The following DPP4 variants were observed in gnomAD, a reference collection of about 807,000 sequenced individuals.
The protein encoded by DPP4 is ADCP-2.
Under a neutral mutation model 122.4 loss-of-function variants are expected in DPP4, and 93 were observed. That is an observed-to-expected ratio of 0.76 (90% CI 0.64 to 0.90). DPP4 has a LOEUF of 0.90. Ranked by LOEUF, DPP4 falls within the 40% of genes least tolerant of loss-of-function variation. The probability of loss-of-function intolerance (pLI) is 0.00; values close to 1 mark genes in which losing one functional copy is unlikely to be tolerated. For missense variants in DPP4, 914 were observed against 907.3 expected (o/e 1.01, Z -0.09); for synonymous variants, 321 against 302.9 (o/e 1.06, Z -0.62).
chr2:162,071,796 C>A (rs555314637), intron 2 of DPP4, among the ~76,000 whole-genome samples: 5 of 152,298 alleles, frequency 3.3e-5, no homozygotes, highest in East Asian at 1.9e-4. Flanking sequence ...GGCCTGTATA[C>A]CCTACCCAGC....
At chr2:162,027,588 G>A (rs1341329848) in intron 10 of DPP4, among the ~76,000 whole-genome samples, 1 of 152,116 alleles carries the variant, frequency 6.6e-6, no homozygotes, top group Non-Finnish European at 1.5e-5. Flanking sequence ...CATAGATTAG[G>A]AATTTGGGCT....
chr2:162,042,611 C>T (rs1326988814), intron 5 of DPP4, among the ~76,000 whole-genome samples: 1 of 150,704 alleles, frequency 6.6e-6, no homozygotes, highest in East Asian at 1.9e-4. Flanking sequence ...CTACTGGACT[C>T]TCTTGAAAGT....
intron 23 of DPP4, among the ~76,000 whole-genome samples, chr2:161,999,165 C>T (rs1242747282): frequency 6.6e-6 from 1 of 152,142 alleles, no homozygotes. Flanking sequence ...TCATTCCCTA[C>T]TCAACTGTGC....
intron 23 of DPP4, among the ~76,000 whole-genome samples, chr2:162,003,239 C>T (rs1382867031): frequency 6.6e-6 from 1 of 152,126 alleles, no homozygotes; most frequent in Non-Finnish European, 1.5e-5. Flanking sequence ...ATTTACATGA[C>T]TATCTCATGC....
intron 10 of DPP4, chr2:162,032,213 A>C (rs1683572121): frequency 6.6e-6 from 1 of 152,182 alleles, no homozygotes; most frequent in African/African-American, 2.4e-5. Context: ...GTCAGGTTTG[A>C]ATATAGATTC....
At chr2:162,047,357 G>T in intron 3 of DPP4, 46 bp downstream of exon 3, 1 of 1,128,078 alleles carries the variant, frequency 8.9e-7, no homozygotes, top group Non-Finnish European at 1.3e-6. Context: ...GACTTAACTA[G>T]AATGAATGTA....
chr2:162,063,805 G>T (rs1471957583), intron 2 of DPP4, among the ~76,000 whole-genome samples: 1 of 152,126 alleles, frequency 6.6e-6, no homozygotes, highest in Non-Finnish European at 1.5e-5. Context: ...AAAGGGAGTG[G>T]TAGGTTGGCA....
At chr2:162,015,374 G>T (rs760080852) in intron 18 of DPP4, among the ~76,000 whole-genome samples, 1 of 152,196 alleles carries the variant, frequency 6.6e-6, no homozygotes, top group East Asian at 1.9e-4. Context: ...GCTGACTATT[G>T]TTATGCCTTC....
At chr2:162,010,354 T>C (rs1682646602) in intron 20 of DPP4, among the ~76,000 whole-genome samples, 2 of 152,220 alleles carry the variant, frequency 1.3e-5, no homozygotes, top group African/African-American at 2.4e-5. Context: ...TTGAATTCCA[T>C]AAAAATTTCA....
rs145965241 is a variant in DPP4, at chr2:162,011,117, A to G, written c.1832+676T>C. On this transcript the variant is annotated intron_variant, in intron 20 of 25. Coordinates refer to ENST00000360534, the MANE Select transcript of DPP4 (RefSeq NM_001935.4). ...CCCACCTCTCGGGGCTTCAGCGACA[A>G]TGCCTGCAGGTAAAGCACTTCTCAT... is the stretch of plus-strand genomic sequence containing the variant. Among the ~76,000 whole-genome samples, 1,057 of 152,266 alleles carry G rather than the reference A, an allele frequency of 6.9e-3. 7 individuals are homozygous for G. The highest frequency in any genetic ancestry group is 0.014 in the Middle Eastern group (4 of 294).
chr2:162,032,452 C>T (rs1683581424), intron 10 of DPP4, among the ~76,000 whole-genome samples: 1 of 152,224 alleles, frequency 6.6e-6, no homozygotes, highest in Non-Finnish European at 1.5e-5. Context: ...CTTTGGGAGG[C>T]CAAGGCGGGC....
chr2:162,003,195 C>G (rs537251632), intron 23 of DPP4, among the ~76,000 whole-genome samples: 2 of 152,228 alleles, frequency 1.3e-5, no homozygotes, highest in South Asian at 2.1e-4. Context: ...ACCCAGTGTG[C>G]GTGTGTTGCC....
intron 5 of DPP4, among the ~76,000 whole-genome samples, chr2:162,044,237 G>A (rs750473957): frequency 3.3e-5 from 5 of 152,162 alleles, no homozygotes; most frequent in South Asian, 2.1e-4. Context: ...ACAAGATTCC[G>A]ATTCACTTAC....
intron 23 of DPP4, among the ~76,000 whole-genome samples, chr2:162,003,900 T>A (rs541323023): frequency 5.6e-4 from 85 of 152,224 alleles, no homozygotes; most frequent in African/African-American, 2.0e-3. Flanking sequence ...AAGATACCTA[T>A]TAGTTCAAGG....
intron 2 of DPP4, 67 bp downstream of exon 2, chr2:162,073,332 A>C: frequency 6.6e-7 from 1 of 1,520,254 alleles, no homozygotes; most frequent in Non-Finnish European, 9.1e-7. Flanking sequence ...CGTTTCCCTT[A>C]GCGTGGTAAG....
At chr2:162,073,626 G>C (rs1685202931) in intron 1 of DPP4, 140 bp from the exon 2 acceptor site, 1 of 817,306 alleles carries the variant, frequency 1.2e-6, no homozygotes, top group East Asian at 2.6e-5. Flanking sequence ...CTGGGGGTGG[G>C]GGTGGCGTCT....
In DPP4 at chr2:162,033,584, C is replaced by A; in HGVS notation, c.844G>T (p.Ala282Ser). The A allele has an allele frequency of 1.6e-5, 26 of 1,612,910 alleles. No homozygotes were observed. The highest frequency in any genetic ancestry group is 2.2e-5 in the Non-Finnish European group (26 of 1,179,518). The stretch of plus-strand genomic sequence containing the variant: ...GGAGCAGTGATTTGTATGGAAGTTG[C>A]ATTGGTGACTGAGCTGAGAGAGTCT... ...NTDSLSSVTN[A>S]TSIQITAPAS... The change falls in exon 10 of 26, where the codon GCA (alanine) becomes TCA (serine). Residue 282 changes from alanine to serine, a missense_variant. Transcript: ENST00000360534.
intron 8 of DPP4, among the ~76,000 whole-genome samples, chr2:162,035,849 G>C (rs1022023154): frequency 1.3e-5 from 2 of 152,104 alleles, no homozygotes; most frequent in African/African-American, 4.8e-5. Context: ...AGAATGGCAA[G>C]GAACTCCATT....
Position 161,993,322 on chromosome 2 carries a change from G to C in DPP4, c.2262C>G (p.His754Gln). 6.2e-7 allele frequency: 1 copy of C among 1,613,730 alleles called. No homozygotes were observed. The highest frequency in any genetic ancestry group is 8.5e-7 in the Non-Finnish European group (1 of 1,179,716). ...AACATTGTTTTATGAAGTGGCTCAT[G>C]TGGGTATATATATGTTGGTGTGCTG... The part of the protein sequence containing the change: ...SSTAHQHIYT[H>Q]MSHFIKQCFS... Residue 754 changes from histidine (H) to glutamine (Q), a missense_variant, in exon 26 of 26, where the codon CAC (histidine) becomes CAG (glutamine). Physicochemically the swap from His to Gln is conservative, Grantham distance 24. Coordinates refer to ENST00000360534, the MANE Select transcript of DPP4 (RefSeq NM_001935.4).
Sources: gnomAD v4.1 joint callset for allele counts (sites outside exome capture counted in the v4.1 genomes callset) on GRCh38, gnomAD v4.1.1 for gene constraint, MANE v1.5 for transcripts, NCBI Gene and HGNC (gene_info 2026-07-23, HGNC 2026-07-21) for gene names.